ADGRL2: variants seen among roughly 807,000 people sequenced by gnomAD.
The protein encoded by ADGRL2 is adhesion G protein-coupled receptor L2, also known as calcium-independent alpha-latrotoxin receptor 2.
In ADGRL2, 44 loss-of-function variants were observed where a neutral mutation model predicts 157.4. The observed-to-expected ratio is 0.28, with a 90% CI of 0.22 to 0.36. The LOEUF (loss-of-function observed/expected upper bound fraction) is 0.36, where lower values mean the gene tolerates loss of function less well. Among genes scored for constraint, ADGRL2 ranks in the 10% least tolerant of loss-of-function variants. The pLI is 1.00. For missense variants in ADGRL2, 1,510 were observed against 1,768.9 expected, an observed-to-expected ratio of 0.85 and a Z score of 2.63; for synonymous variants, 585 against 624.7, an observed-to-expected ratio of 0.94 and a Z score of 0.95.
intron 19 of ADGRL2, chr1:81,984,352 A>C: frequency 5.4e-6 from 2 of 370,216 alleles, no homozygotes; most frequent in Non-Finnish European, 4.9e-6. Flanking sequence ...TCTACATGTT[A>C]TATCACATTT....
chr1:81,342,941 A>G (rs1662180618), intron 1 of ADGRL2, among the ~76,000 whole-genome samples: 2 of 152,132 alleles, frequency 1.3e-5, no homozygotes, highest in South Asian at 2.1e-4. Context: ...ATGTCTGTCA[A>G]TAGATACTCT....
intron 3 of ADGRL2, among the ~76,000 whole-genome samples, chr1:81,642,301 T>C (rs1570714723): frequency 6.8e-6 from 1 of 146,218 alleles, no homozygotes; most frequent in Non-Finnish European, 1.5e-5. Flanking sequence ...ATGCCTGTAG[T>C]CCTAGCTGCT....
rs1553166826 is a variant in ADGRL2 at position 81,459,823 on chromosome 1, T to TATACAAACACATAC, written c.-248+14737_-248+14738insCAAACACATACATA. Reference sequence around the variant, plus strand: ...ATATGTATGTGTTTGTATATATATATATATATATACACACACACACATACA... The same window carrying TATACAAACACATAC: ...ATATGTATGTGTTTGTATATATATATATACAAACACATACATATATATACACACACACACATACA... On this transcript the variant is annotated intron_variant, in intron 2 of 24. Coordinates refer to the ADGRL2 transcript ENST00000370721. Among the ~76,000 whole-genome samples, 473 of 147,212 alleles carry TATACAAACACATAC rather than the reference T, an allele frequency of 3.2e-3. 4 individuals are homozygous for TATACAAACACATAC. Among genetic ancestry groups the TATACAAACACATAC allele is most frequent in the African/African-American group, 0.011 (445 of 40,078 alleles).
chr1:81,466,784 A>T (rs1182836970), intron 2 of ADGRL2, among the ~76,000 whole-genome samples: 1 of 152,188 alleles, frequency 6.6e-6, no homozygotes, highest in African/African-American at 2.4e-5. Context: ...TCCAGAAGTC[A>T]TAAAAATGCA....
intron 3 of ADGRL2, among the ~76,000 whole-genome samples, chr1:81,676,843 C>T (rs1478589900): frequency 1.3e-5 from 2 of 151,682 alleles, no homozygotes; most frequent in African/African-American, 4.8e-5. Context: ...CCCGCCACCA[C>T]ACCTGGCTAA....
chr1:81,574,957 T>C (rs2080769034), intron 2 of ADGRL2, among the ~76,000 whole-genome samples: 1 of 152,214 alleles, frequency 6.6e-6, no homozygotes, highest in Non-Finnish European at 1.5e-5. Context: ...TACTTCCAGC[T>C]GCAAAGTAGA....
intron 1 of ADGRL2, among the ~76,000 whole-genome samples, chr1:81,406,002 C>T (rs1411875492): frequency 1.8e-4 from 28 of 152,108 alleles, no homozygotes; most frequent in Admixed American, 1.8e-3. Flanking sequence ...AAAGATTTCC[C>T]ATCTTTACTG....
intron 3 of ADGRL2, among the ~76,000 whole-genome samples, chr1:81,620,624 C>T (rs1167962651): frequency 6.6e-6 from 1 of 151,936 alleles, no homozygotes; most frequent in Non-Finnish European, 1.5e-5. Context: ...TTAGTTTAAC[C>T]AATTAAGGAA....
intron 3 of ADGRL2, among the ~76,000 whole-genome samples, chr1:81,612,534 G>A (rs2081563508): frequency 6.6e-6 from 1 of 152,092 alleles, no homozygotes; most frequent in Admixed American, 6.6e-5. Flanking sequence ...TGGGTCAACA[G>A]GATTATGCAA....
At chr1:81,350,364 A>G (rs1443151252) in intron 1 of ADGRL2, among the ~76,000 whole-genome samples, 1 of 152,216 alleles carries the variant, frequency 6.6e-6, no homozygotes, top group East Asian at 1.9e-4. Flanking sequence ...GAGGTTTATG[A>G]TTGACACAAT....
intron 2 of ADGRL2, among the ~76,000 whole-genome samples, chr1:81,881,320 A>C (rs587019): frequency 0.65 from 99,197 of 151,872 alleles, 33,567 homozygotes; most frequent in East Asian, 0.91. Flanking sequence ...AGACTACAGG[A>C]GCCCGCCGCC....
chr1:81,802,165 C>T (rs1428312645), intron 1 of ADGRL2, among the ~76,000 whole-genome samples: 3 of 151,656 alleles, frequency 2.0e-5, no homozygotes, highest in Non-Finnish European at 2.9e-5. Context: ...CGCTGCCCTC[C>T]GCGCCTGTCC....
intron 3 of ADGRL2, among the ~76,000 whole-genome samples, chr1:81,662,237 T>C (rs1440113025): frequency 1.3e-5 from 2 of 150,476 alleles, no homozygotes; most frequent in African/African-American, 4.9e-5. Context: ...TATCAAATAG[T>C]AGGTCTCATT....
chr1:81,432,316 G>A (rs1210845590), intron 1 of ADGRL2, among the ~76,000 whole-genome samples: 1 of 152,226 alleles, frequency 6.6e-6, no homozygotes, highest in Non-Finnish European at 1.5e-5. Context: ...CCCTACTGCT[G>A]AAGAGTTGGA....
intron 1 of ADGRL2, among the ~76,000 whole-genome samples, chr1:81,375,464 C>T (rs1387866006): frequency 6.6e-6 from 1 of 152,130 alleles, no homozygotes; most frequent in Admixed American, 6.5e-5. Context: ...GGGATTTTAT[C>T]AATTAAGAAG....
chr1:81,770,039 G>C (rs934974150), intron 2 of ADGRL2, among the ~76,000 whole-genome samples: 3 of 149,688 alleles, frequency 2.0e-5, no homozygotes, highest in African/African-American at 7.4e-5. Flanking sequence ...TTTTAGTAGA[G>C]GCGGGGTTTC....
At chr1:81,880,607 T>C (rs2093961322) in intron 2 of ADGRL2, among the ~76,000 whole-genome samples, 1 of 152,136 alleles carries the variant, frequency 6.6e-6, no homozygotes, top group Non-Finnish European at 1.5e-5. Flanking sequence ...GGCTTCTATA[T>C]CTGCTTGATG....
intron 1 of ADGRL2, among the ~76,000 whole-genome samples, chr1:81,323,840 C>G (rs1181314604): frequency 6.6e-6 from 1 of 151,948 alleles, no homozygotes; most frequent in African/African-American, 2.4e-5. Flanking sequence ...TTAAGAGACC[C>G]TTAAAGTAGA....
intron 1 of ADGRL2, among the ~76,000 whole-genome samples, chr1:81,725,199 G>A (rs1321488477): frequency 2.7e-5 from 3 of 109,192 alleles, no homozygotes; most frequent in Non-Finnish European, 3.7e-5. Flanking sequence ...GTGAGACCCC[G>A]TCTCAAAAAA....
Sources: gnomAD v4.1 joint callset for allele counts (sites outside exome capture counted in the v4.1 genomes callset) on GRCh38, gnomAD v4.1.1 for gene constraint, MANE v1.5 for transcripts, NCBI Gene and HGNC (gene_info 2026-07-23, HGNC 2026-07-21) for gene names.